CFDP1: variants seen among roughly 807,000 people sequenced by gnomAD.
The protein encoded by CFDP1 is chromatin remodeling protein CFDP1.
Under a neutral mutation model 40.1 loss-of-function variants are expected in CFDP1, and 31 were observed. The ratio of observed to expected loss-of-function variants is 0.77; its 90% CI spans 0.58 to 1.04. The LOEUF is 1.04. Ranked by LOEUF, CFDP1 falls within the 50% of genes least tolerant of loss-of-function variation. The pLI is 0.00. For synonymous variants in CFDP1, 167 were observed against 120.0 expected, an observed-to-expected ratio of 1.39 and a Z score of -2.56; for missense variants, 423 against 343.4, an observed-to-expected ratio of 1.23 and a Z score of -1.83.
At chr16:75,356,185 G>A (rs1376834532) in intron 5 of CFDP1, among the ~76,000 whole-genome samples, 2 of 152,048 alleles carry the variant, frequency 1.3e-5, no homozygotes, top group African/African-American at 4.8e-5. Flanking sequence ...CACTATCTAC[G>A]GCAGCTATAG....
chr16:75,425,204 G>C (rs532680983), intron 1 of CFDP1, among the ~76,000 whole-genome samples: 1 of 151,830 alleles, frequency 6.6e-6, no homozygotes, highest in Non-Finnish European at 1.5e-5. Context: ...ATACTTTTTC[G>C]AGAGATGAAC....
Position 75,384,854 on chromosome 16 carries a change from ATATATATATATATATATATATATAT to A in CFDP1, c.650+10211_650+10235del, listed in dbSNP as rs2078880322. 2.9e-4 allele frequency among the ~76,000 whole-genome samples: 36 copies of A among 124,900 alleles called. No homozygotes were observed. In the South Asian group the frequency reaches 4.6e-3, roughly 16 times the overall value. 81.9% of individuals were successfully genotyped at this position (124,900 alleles called of 152,430 possible). Reference sequence around the variant, plus strand: ...CAAGTTGCAAGAAGAAACTAAAACTATATATATATATATATATATATATATATATATATATATATATATATTGCAG... The same window carrying A: ...CAAGTTGCAAGAAGAAACTAAAACTAATATATATATATATATATATTGCAG... On this transcript the variant is annotated intron_variant, in intron 5 of 6. Coordinates refer to ENST00000283882, the MANE Select transcript of CFDP1 (RefSeq NM_006324.3).
At chr16:75,382,616 C>T (rs187434065) in intron 5 of CFDP1, among the ~76,000 whole-genome samples, 3 of 152,316 alleles carry the variant, frequency 2.0e-5, no homozygotes, top group East Asian at 3.9e-4. Context: ...TAGTTAACCC[C>T]ACAGCACAAC....
At chr16:75,301,741 G>C (rs2078223516) in intron 6 of CFDP1, 1 of 151,944 alleles carries the variant, frequency 6.6e-6, no homozygotes, top group Non-Finnish European at 1.5e-5. Context: ...TAAAGATGCA[G>C]ATATTTGTGA....
At chr16:75,315,076 T>A (rs1392209026) in intron 5 of CFDP1, among the ~76,000 whole-genome samples, 1 of 151,826 alleles carries the variant, frequency 6.6e-6, no homozygotes, top group East Asian at 1.9e-4. Flanking sequence ...AAAGGAAAAA[T>A]GTGTTTCCTG....
intron 1 of CFDP1, among the ~76,000 whole-genome samples, chr16:75,425,260 G>A (rs1324517488): frequency 2.0e-5 from 3 of 151,886 alleles, no homozygotes; most frequent in African/African-American, 2.4e-5. Context: ...GGTGGCACAC[G>A]TCTGTAGTAC....
At chr16:75,349,383 G>A (rs887057412) in intron 5 of CFDP1, among the ~76,000 whole-genome samples, 26 of 151,140 alleles carry the variant, frequency 1.7e-4, no homozygotes, top group Non-Finnish European at 3.4e-4. Flanking sequence ...GGTGGCGGGC[G>A]ACTGTAATCC....
chr16:75,411,727 T>A (rs2079164294), intron 4 of CFDP1, 98 bp downstream of exon 4: 1 of 1,226,748 alleles, frequency 8.2e-7, no homozygotes, highest in Non-Finnish European at 1.2e-6. Flanking sequence ...CCCAAAATAT[T>A]ATGATGGATT....
At chr16:75,427,959 T>C (rs2079360076) in intron 1 of CFDP1, among the ~76,000 whole-genome samples, 1 of 152,214 alleles carries the variant, frequency 6.6e-6, no homozygotes, top group Non-Finnish European at 1.5e-5. Flanking sequence ...AAATGCATTA[T>C]GCTAAGCGGA....
chr16:75,314,216 G>C (rs1793302457), intron 5 of CFDP1, among the ~76,000 whole-genome samples: 1 of 152,130 alleles, frequency 6.6e-6, no homozygotes, highest in South Asian at 2.1e-4. Context: ...TATTTGAACA[G>C]AAAGAAAAGG....
chr16:75,341,191 A>T (rs2151520414), intron 5 of CFDP1, among the ~76,000 whole-genome samples: 1 of 152,280 alleles, frequency 6.6e-6, no homozygotes, highest in South Asian at 2.1e-4. Flanking sequence ...ACCAGTTTTT[A>T]AATGAATTTT....
chr16:75,413,135 C>T (rs770027207), intron 2 of CFDP1, among the ~76,000 whole-genome samples: 28 of 152,242 alleles, frequency 1.8e-4, no homozygotes, highest in African/African-American at 6.5e-4. Context: ...CTTTTTAAAG[C>T]TACTCCATTT....
chr16:75,352,625 GAACTTT>G (rs2078621015), intron 5 of CFDP1, among the ~76,000 whole-genome samples: 2 of 152,152 alleles, frequency 1.3e-5, no homozygotes, highest in African/African-American at 4.8e-5. Flanking sequence ...TAAAGATTCA[GAACTTT>G]AACTATGGTT....
At chr16:75,377,431 TAAG>T (rs1487547159) in intron 5 of CFDP1, among the ~76,000 whole-genome samples, 1 of 152,232 alleles carries the variant, frequency 6.6e-6, no homozygotes, top group African/African-American at 2.4e-5. Flanking sequence ...CAATCACAAT[TAAG>T]ATGATATCCT....
intron 5 of CFDP1, among the ~76,000 whole-genome samples, chr16:75,333,435 T>C (rs1468543660): frequency 6.6e-6 from 1 of 152,210 alleles, no homozygotes; most frequent in East Asian, 1.9e-4. Context: ...TTCATGTTCT[T>C]AATGACATCT....
chr16:75,307,177 T>A (rs1293723475), intron 5 of CFDP1, among the ~76,000 whole-genome samples: 1 of 152,174 alleles, frequency 6.6e-6, no homozygotes, highest in Non-Finnish European at 1.5e-5. Context: ...AGCATGTCTT[T>A]CTGCTTAAAT....
chr16:75,411,792 T>C (rs752454111), intron 4 of CFDP1, 33 bp downstream of exon 4: 15 of 1,596,528 alleles, frequency 9.4e-6, no homozygotes, highest in South Asian at 1.1e-5. Context: ...TTTTTGAAAA[T>C]GCTAGTTTCA....
intron 5 of CFDP1, among the ~76,000 whole-genome samples, chr16:75,311,479 T>C (rs564746305): frequency 6.6e-5 from 10 of 152,288 alleles, no homozygotes; most frequent in African/African-American, 2.4e-4. Context: ...TATTTGACAA[T>C]GGACTTACCC....
intron 4 of CFDP1, among the ~76,000 whole-genome samples, chr16:75,399,449 C>G (rs1240050491): frequency 6.6e-6 from 1 of 152,184 alleles, no homozygotes; most frequent in Non-Finnish European, 1.5e-5. Flanking sequence ...TGCCAAAACC[C>G]TACTAAATAG....
Sources: allele counts gnomAD v4.1 joint callset (sites outside exome capture counted in the v4.1 genomes callset), GRCh38; gene constraint gnomAD v4.1.1; transcripts MANE v1.5; gene names NCBI Gene and HGNC (gene_info 2026-07-23, HGNC 2026-07-21).